Variants in CDH2 observed in about 807,000 individuals in gnomAD.
CDH2 encodes the protein cadherin 2.
A neutral mutation model predicts 92.0 loss-of-function variants in CDH2; 17 were observed. The ratio of observed to expected loss-of-function variants is 0.18; its 90% CI spans 0.13 to 0.28. The LOEUF is 0.28. CDH2 is among the 10% of genes least tolerant of loss of function. The probability of loss-of-function intolerance (pLI) is 1.00; values close to 1 mark genes in which losing one functional copy is unlikely to be tolerated. For synonymous variants in CDH2, 419 were observed against 415.9 expected (o/e 1.01, Z -0.09); for missense variants, 862 against 1,133.1 (o/e 0.76, Z 3.44).
intron 2 of CDH2, among the ~76,000 whole-genome samples, chr18:28,045,073 C>T (rs1299646239): frequency 1.3e-5 from 2 of 152,296 alleles, no homozygotes; most frequent in East Asian, 3.9e-4. Flanking sequence ...CCACATTCCT[C>T]TGAGCCTGGG....
chr18:27,978,493 A>C (rs944314132), intron 14 of CDH2, among the ~76,000 whole-genome samples: 1 of 152,222 alleles, frequency 6.6e-6, no homozygotes, highest in Admixed American at 6.5e-5. Flanking sequence ...GATATTCATA[A>C]AGAACATGAA....
intron 2 of CDH2, among the ~76,000 whole-genome samples, chr18:28,107,256 C>T (rs1031265499): frequency 2.6e-5 from 4 of 151,828 alleles, no homozygotes; most frequent in Non-Finnish European, 5.9e-5. Context: ...AAGACACCTA[C>T]AGCTTTAAAG....
At chr18:28,002,857 AAC>A (rs2012808032) in intron 7 of CDH2, 138 bp downstream of exon 7, 4 of 777,292 alleles carry the variant, frequency 5.1e-6, no homozygotes, top group Non-Finnish European at 8.4e-6. Context: ...AAAAATATAC[AAC>A]AGATTACTTA....
chr18:28,037,926 GAAGA>G (rs2013868913), intron 2 of CDH2, among the ~76,000 whole-genome samples: 1 of 152,090 alleles, frequency 6.6e-6, no homozygotes, highest in East Asian at 1.9e-4. Flanking sequence ...AAAAGATGAT[GAAGA>G]AAGAATCCAC....
chr18:28,036,540 T>C lies in CDH2; in HGVS notation c.173-22631A>G, dbSNP rs2013834058. 3.1e-6 allele frequency: 5 copies of C among 1,603,696 alleles called. No homozygotes were observed. In the South Asian group the frequency reaches 5.5e-5, roughly 18 times the overall value. On this transcript the variant is annotated intron_variant, in intron 2 of 15. Transcript: ENST00000269141. ...TGAAGATACACACATAACGCCTTAA[T>C]AAAAACATGCCATCAAGTTTCCATT... is the stretch of plus-strand genomic sequence containing the variant.
intron 2 of CDH2, among the ~76,000 whole-genome samples, chr18:28,109,532 A>G (rs535812145): frequency 2.0e-5 from 3 of 152,200 alleles, no homozygotes; most frequent in Non-Finnish European, 2.9e-5. Flanking sequence ...TAATACATAG[A>G]AACAAGACAA....
At chr18:27,991,718 T>G (rs1481739374) in intron 9 of CDH2, among the ~76,000 whole-genome samples, 1 of 152,188 alleles carries the variant, frequency 6.6e-6, no homozygotes, top group Non-Finnish European at 1.5e-5. Context: ...CAGACTCAAG[T>G]TGGTGCTTTT....
intron 2 of CDH2, among the ~76,000 whole-genome samples, chr18:28,079,823 C>G (rs375712312): frequency 6.6e-6 from 1 of 152,268 alleles, no homozygotes; most frequent in African/African-American, 2.4e-5. Flanking sequence ...ATTCCACCCC[C>G]CCTCAGAAAA....
chr18:28,136,859 T>C (rs2015871424), intron 2 of CDH2, among the ~76,000 whole-genome samples: 1 of 152,110 alleles, frequency 6.6e-6, no homozygotes, highest in African/African-American at 2.4e-5. Flanking sequence ...GAAAATACAT[T>C]TCTTAGGACC....
At chr18:28,164,691 T>C (rs1322031899) in intron 1 of CDH2, among the ~76,000 whole-genome samples, 1 of 152,030 alleles carries the variant, frequency 6.6e-6, no homozygotes, top group Non-Finnish European at 1.5e-5. Context: ...TACTCCCACA[T>C]GTGCACACAC....
intron 2 of CDH2, among the ~76,000 whole-genome samples, chr18:28,036,232 C>T (rs1464268703): frequency 6.6e-6 from 1 of 152,104 alleles, no homozygotes; most frequent in East Asian, 1.9e-4. Flanking sequence ...TGAAATACAG[C>T]TTTTGTAACA....
chr18:28,000,216 G>T (rs767934197), intron 7 of CDH2, among the ~76,000 whole-genome samples: 2 of 151,978 alleles, frequency 1.3e-5, no homozygotes, highest in African/African-American at 4.8e-5. Context: ...TGATTCTCCC[G>T]CTCAGCCTCC....
intron 1 of CDH2, among the ~76,000 whole-genome samples, chr18:28,174,244 T>TA (rs201335208): frequency 0.013 from 1,928 of 147,030 alleles, 26 homozygotes; most frequent in Non-Finnish European, 0.017. Context: ...GTCTGGAATT[T>TA]AAAAAAAAAA....
At chr18:28,128,393 T>G (rs2144286439) in intron 2 of CDH2, among the ~76,000 whole-genome samples, 1 of 152,180 alleles carries the variant, frequency 6.6e-6, no homozygotes, top group Middle Eastern at 3.4e-3. Context: ...GTGGCTACTG[T>G]TCAAAAACTA....
intron 3 of CDH2, 67 bp from the exon 4 acceptor site, chr18:28,012,059 T>G: frequency 7.5e-7 from 1 of 1,328,278 alleles, no homozygotes; most frequent in Non-Finnish European, 1.1e-6. Context: ...ACATCAATAT[T>G]ATTGAATACC....
At chr18:28,013,658 C>T (rs2013159580) in intron 3 of CDH2, 25 bp downstream of exon 3, 3 of 1,554,506 alleles carry the variant, frequency 1.9e-6, no homozygotes, top group Non-Finnish European at 2.7e-6. Flanking sequence ...TTAACCAGCC[C>T]TAAAGCCATA....
chr18:28,082,336 C>G (rs1270050236), intron 2 of CDH2, among the ~76,000 whole-genome samples: 1 of 151,978 alleles, frequency 6.6e-6, no homozygotes, highest in Non-Finnish European at 1.5e-5. Flanking sequence ...ACTTGAGCCC[C>G]GGAGACTGAG....
intron 3 of CDH2, 27 bp downstream of exon 3, chr18:28,013,655 GC>G (rs773746602): frequency 6.6e-7 from 1 of 1,524,834 alleles, no homozygotes; most frequent in Non-Finnish European, 9.1e-7. Context: ...TTTTTAACCA[GC>G]CCTAAAGCCA....
chr18:28,095,807 C>CAAAAA (rs33981188), intron 2 of CDH2, among the ~76,000 whole-genome samples: 10,492 of 102,300 alleles, frequency 0.1, 1,220 homozygotes, highest in African/African-American at 0.3. Context: ...GCAACTCCAT[C>CAAAAA]AAAAAAAAAA....
Sources: allele counts gnomAD v4.1 joint callset (sites outside exome capture counted in the v4.1 genomes callset), GRCh38; gene constraint gnomAD v4.1.1; transcripts MANE v1.5; gene names NCBI Gene and HGNC (gene_info 2026-07-23, HGNC 2026-07-21).